Variants in NEK6 observed in about 807,000 individuals in gnomAD.
The protein encoded by NEK6 is NIMA related kinase 6, also known as serine/threonine-protein kinase Nek6.
NEK6 carries 27 observed loss-of-function variants against 43.5 expected under a neutral mutation model. That is an observed-to-expected ratio of 0.62 (90% CI 0.46 to 0.86). The LOEUF is 0.86. Ranked by LOEUF, NEK6 falls within the 40% of genes least tolerant of loss-of-function variation. NEK6 has a pLI of 0.00. For missense variants in NEK6, 318 were observed against 414.4 expected (o/e 0.77, Z 2.02); for synonymous variants, 167 against 164.1 (o/e 1.02, Z -0.14).
chr9:124,287,956 A>G (rs1299543237), intron 1 of NEK6, among the ~76,000 whole-genome samples: 1 of 152,244 alleles, frequency 6.6e-6, no homozygotes, highest in Non-Finnish European at 1.5e-5. Flanking sequence ...GATTTATTTT[A>G]TGGAGACAGT....
At chr9:124,263,997 G>C (rs925816386) in intron 1 of NEK6, among the ~76,000 whole-genome samples, 3 of 152,186 alleles carry the variant, frequency 2.0e-5, no homozygotes, top group African/African-American at 7.2e-5. Context: ...ACACAGCGTC[G>C]GCCCCGCAGA....
At chr9:124,266,705 G>T (rs1831241406) in intron 1 of NEK6, among the ~76,000 whole-genome samples, 1 of 152,246 alleles carries the variant, frequency 6.6e-6, no homozygotes, top group Non-Finnish European at 1.5e-5. Flanking sequence ...CACATAGGAG[G>T]AGCTCAATTA....
rs925949915 is a variant in NEK6, at chr9:124,351,902, AC to A, written c.*956del. ...AAATAAAATATGCAAGTTAGCTAAT[AC>A]AAAAAGTAGATGATCCAAAAATGGT... On this transcript the variant is annotated 3_prime_UTR_variant, in exon 10 of 10. Transcript: ENST00000320246. 5 of 152,580 alleles carry A rather than the reference AC, an allele frequency of 3.3e-5. No homozygotes were observed. The highest frequency in any genetic ancestry group is 1.2e-4 in the African/African-American group (5 of 41,444). The allele number at this position is 152,580 out of a possible 1,614,324, so 9.5% of individuals were successfully genotyped here. A position where few individuals can be genotyped will look rare whatever the true frequency, so the allele number is the denominator to read the frequency against.
At chr9:124,269,712 AGT>A (rs1831353336) in intron 1 of NEK6, among the ~76,000 whole-genome samples, 1 of 152,102 alleles carries the variant, frequency 6.6e-6, no homozygotes, top group Non-Finnish European at 1.5e-5. Flanking sequence ...AGGGGCAGGG[AGT>A]CGTGTGGAAG....
Position 124,326,491 on chromosome 9 carries a change from A to G in NEK6, c.514+53A>G, listed in dbSNP as rs1339675011. 4 of 1,329,022 alleles carry G rather than the reference A, an allele frequency of 3.0e-6. No homozygotes were observed. In the African/African-American group the frequency reaches 4.3e-5, roughly 14 times the overall value. The allele number at this position is 1,329,022 out of a possible 1,614,324, so 82.3% of individuals were successfully genotyped here. The stretch of plus-strand genomic sequence containing the variant: ...GGAGCCACCTGGAGCCCAGGAAGAC[A>G]CTTCCTCATGGCTCCTCCAGGGTCC... On this transcript the variant is annotated intron_variant, in intron 6 of 9. Coordinates refer to ENST00000320246, the MANE Select transcript of NEK6 (RefSeq NM_014397.6). This position sits in a 1 kb window ranked among gnomAD's most constrained non-coding sequence, Gnocchi z 4.5.
At chr9:124,349,018 C>G (rs930549357) in intron 9 of NEK6, among the ~76,000 whole-genome samples, 12 of 152,256 alleles carry the variant, frequency 7.9e-5, no homozygotes, top group African/African-American at 2.9e-4. Context: ...AGTGCCCTTG[C>G]CCCGGCCAAA....
chr9:124,260,040 T>A (rs1830971380), intron 1 of NEK6, among the ~76,000 whole-genome samples: 1 of 152,128 alleles, frequency 6.6e-6, no homozygotes, highest in Non-Finnish European at 1.5e-5. Flanking sequence ...GAATCTCCCG[T>A]TGGTCTTCTG....
chr9:124,316,323 G>C (rs145080413), intron 4 of NEK6, among the ~76,000 whole-genome samples: 6 of 152,334 alleles, frequency 3.9e-5, no homozygotes, highest in African/African-American at 1.4e-4. Context: ...TGCAATTTCT[G>C]ATCACCACTG....
Position 124,347,826 on chromosome 9 carries a change from A to G in NEK6, c.831+4A>G, listed in dbSNP as rs776647738. 1 of 1,594,874 alleles carries G rather than the reference A, an allele frequency of 6.3e-7. No homozygotes were observed. Among genetic ancestry groups the G allele is most frequent in the Non-Finnish European group, 8.6e-7 (1 of 1,164,510 alleles). On this transcript the variant is annotated splice_donor_region_variant and intron_variant, in intron 9 of 9. Transcript: ENST00000320246. ...CGGGGAGCACTACTCCGAGAAGGTGAGTTTGCAGGAGCCGGAGGCCTCGCC... is the reference window on the plus strand; with the variant it reads ...CGGGGAGCACTACTCCGAGAAGGTGGGTTTGCAGGAGCCGGAGGCCTCGCC...
chr9:124,276,593 T>C (rs1588446975), intron 1 of NEK6, among the ~76,000 whole-genome samples: 1 of 152,256 alleles, frequency 6.6e-6, no homozygotes, highest in Admixed American at 6.5e-5. Flanking sequence ...GGCTGGAGTG[T>C]GTGCAGAGGG....
rs191744140 is a variant in NEK6 at position 124,327,483 on chromosome 9, G to A, written c.622+38G>A. On this transcript the variant is annotated intron_variant, in intron 7 of 9. Transcript: ENST00000320246. ...TGTCTGTGCCCCAGCAGCCCCCAGCGGTCCTGGTGACCATGCAGGGAGACG... is the reference window on the plus strand; with the variant it reads ...TGTCTGTGCCCCAGCAGCCCCCAGCAGTCCTGGTGACCATGCAGGGAGACG... 683 of 1,527,360 alleles carry A rather than the reference G, an allele frequency of 4.5e-4. 4 individuals are homozygous for A. The African/African-American group carries it at 8.7e-3, about 19-fold the overall frequency. 94.6% of individuals were successfully genotyped at this position (1,527,360 alleles called of 1,614,324 possible). A position where few individuals can be genotyped will look rare whatever the true frequency, so the allele number is the denominator to read the frequency against.
chr9:124,333,428 CA>C (rs1052155023), intron 7 of NEK6, among the ~76,000 whole-genome samples: 4 of 152,154 alleles, frequency 2.6e-5, no homozygotes, highest in African/African-American at 9.7e-5. Context: ...TCCCCTGGGT[CA>C]GGGGGTTGGG....
At chr9:124,316,029 T>C (rs1340262683) in intron 4 of NEK6, among the ~76,000 whole-genome samples, 2 of 152,330 alleles carry the variant, frequency 1.3e-5, no homozygotes, top group Non-Finnish European at 2.9e-5. Context: ...GTTGTCATGG[T>C]TGCCACCTCT....
chr9:124,302,401 A>G (rs1367281776), intron 2 of NEK6, among the ~76,000 whole-genome samples: 2 of 152,242 alleles, frequency 1.3e-5, no homozygotes, highest in Non-Finnish European at 1.5e-5. Context: ...CGAGGGACTC[A>G]GAGGAATGGG....
At chr9:124,299,984 C>T (rs917627882) in intron 1 of NEK6, 5 of 152,160 alleles carry the variant, frequency 3.3e-5, no homozygotes, top group Admixed American at 6.5e-5. Flanking sequence ...ATCCTGTCAT[C>T]TATTTTGAGA....
chr9:124,282,028 C>G (rs1298284401), intron 1 of NEK6, among the ~76,000 whole-genome samples: 1 of 152,182 alleles, frequency 6.6e-6, no homozygotes, highest in Non-Finnish European at 1.5e-5. Flanking sequence ...CACGTGAGCC[C>G]CCGGCTCTGC....
At position 124,326,226 on chromosome 9, in the gene NEK6, C is replaced by T. The variant is rs1266926359; in HGVS notation, c.406-104C>T. The T allele has an allele frequency of 4.4e-6, 1 of 226,504 alleles. No homozygotes were observed. Among genetic ancestry groups the T allele is most frequent in the African/African-American group, 2.5e-5 (1 of 39,998 alleles). 14.0% of individuals were successfully genotyped at this position (226,504 alleles called of 1,614,324 possible). On this transcript the variant is annotated intron_variant, in intron 5 of 9. Coordinates refer to ENST00000320246, the MANE Select transcript of NEK6 (RefSeq NM_014397.6). This position sits in a 1 kb window ranked among gnomAD's most constrained non-coding sequence, Gnocchi z 4.5. Reference sequence around the variant, plus strand: ...ATCCCCCCCCCCCGCCCCTGCCAGGCACCAGTTACCCACTGGGGAAAGGAC... The same window carrying T: ...ATCCCCCCCCCCCGCCCCTGCCAGGTACCAGTTACCCACTGGGGAAAGGAC...
chr9:124,287,387 AAG>A (rs1457290339), intron 1 of NEK6, among the ~76,000 whole-genome samples: 1 of 152,200 alleles, frequency 6.6e-6, no homozygotes, highest in Non-Finnish European at 1.5e-5. Flanking sequence ...ACCCGCTGGT[AAG>A]GGGCCTTGGG....
In NEK6 at chr9:124,351,011, T is replaced by TC. The variant is rs1244413827; in HGVS notation, c.*65dup. ...TTGCCTTACTTGAGTCGTCTTCTCT[T>TC]CGAGTGGCCACCTGGTAGCCTAGAA... On this transcript the variant is annotated 3_prime_UTR_variant, in exon 10 of 10. Transcript: ENST00000320246. 3.5e-6 allele frequency: 4 copies of TC among 1,141,066 alleles called. No individual in the cohort carries two copies. Among genetic ancestry groups the TC allele is most frequent in the African/African-American group, 1.5e-5 (1 of 65,768 alleles). The allele number at this position is 1,141,066 out of a possible 1,614,324, so 70.7% of individuals were successfully genotyped here. A position where few individuals can be genotyped will look rare whatever the true frequency, so the allele number is the denominator to read the frequency against.
Sources: gnomAD v4.1 joint callset for allele counts (sites outside exome capture counted in the v4.1 genomes callset) on GRCh38, gnomAD v4.1.1 for gene constraint, Gnocchi (gnomAD v3.1) non-coding constraint, MANE v1.5 for transcripts, NCBI Gene and HGNC (gene_info 2026-07-23, HGNC 2026-07-21) for gene names.